CCDC102B: variants seen among roughly 807,000 people sequenced by gnomAD.
CCDC102B encodes coiled-coil domain containing 102B.
Under a neutral mutation model 57.4 loss-of-function variants are expected in CCDC102B, and 75 were observed. That is an observed-to-expected ratio of 1.31 (90% CI 1.08 to 1.58). The LOEUF is 1.58. CCDC102B is among the 40% of genes most tolerant of loss of function. The pLI is 0.00. For synonymous variants in CCDC102B, 206 were observed against 201.9 expected (o/e 1.02, Z -0.17); for missense variants, 636 against 582.6 (o/e 1.09, Z -0.94).
At chr18:68,973,383 A>G (rs1430466492) in intron 6 of CCDC102B, among the ~76,000 whole-genome samples, 2 of 152,150 alleles carry the variant, frequency 1.3e-5, no homozygotes, top group African/African-American at 4.8e-5. Flanking sequence ...TTGTTGTAAT[A>G]GTAGTGCCAT....
chr18:68,832,990 T>C (rs1301028321), intron 1 of CCDC102B, among the ~76,000 whole-genome samples: 4 of 152,152 alleles, frequency 2.6e-5, no homozygotes, highest in Non-Finnish European at 5.9e-5. Flanking sequence ...AAGGACAGTG[T>C]CAGGATGAGA....
chr18:68,988,566 CAAAAAA>C (rs4021722), intron 6 of CCDC102B, among the ~76,000 whole-genome samples: 3 of 136,334 alleles, frequency 2.2e-5, no homozygotes, highest in African/African-American at 9.1e-5. Flanking sequence ...CAAAAAAAAA[CAAAAAA>C]AAAGGAAAAA....
At chr18:69,050,735 AC>A (rs2145497131) in intron 7 of CCDC102B, among the ~76,000 whole-genome samples, 1 of 152,284 alleles carries the variant, frequency 6.6e-6, no homozygotes, top group South Asian at 2.1e-4. Context: ...TGTAATATGA[AC>A]CCTAATTGAT....
intron 6 of CCDC102B, among the ~76,000 whole-genome samples, chr18:68,976,037 C>T (rs2050428321): frequency 6.6e-6 from 1 of 151,912 alleles, no homozygotes; most frequent in Admixed American, 6.6e-5. Flanking sequence ...AGAGATATTG[C>T]TTACAGAAAA....
intron 2 of CCDC102B, among the ~76,000 whole-genome samples, chr18:68,761,065 G>GCCA (rs1309832484): frequency 1.3e-5 from 2 of 152,004 alleles, no homozygotes; most frequent in Non-Finnish European, 2.9e-5. Flanking sequence ...AATGGAGGGA[G>GCCA]TACACCCTTC....
Position 68,956,400 on chromosome 18 carries a change from ATATATTTT to A in CCDC102B, c.1264-54533_1264-54526del, listed in dbSNP as rs1568352105. On this transcript the variant is annotated intron_variant, in intron 6 of 7. Transcript: ENST00000360242. The stretch of plus-strand genomic sequence containing the variant: ...TGTATAATATATAATATATATATAA[ATATATTTT>A]ATATATATTATATATATTATACATT... Among the ~76,000 whole-genome samples the A allele has an allele frequency of 9.3e-4, 75 of 80,636 alleles. 15 individuals are homozygous for A. The highest frequency in any genetic ancestry group is 2.4e-3 in the African/African-American group (39 of 16,278). The allele number at this position is 80,636 out of a possible 152,430, so 52.9% of individuals were successfully genotyped here. A position where few individuals can be genotyped will look rare whatever the true frequency, so the allele number is the denominator to read the frequency against.
At chr18:68,811,896 G>A (rs1482693195) in intron 1 of CCDC102B, among the ~76,000 whole-genome samples, 1 of 152,172 alleles carries the variant, frequency 6.6e-6, no homozygotes, top group Non-Finnish European at 1.5e-5. Flanking sequence ...TTGGGCTGAG[G>A]TAGGATTTAA....
At chr18:68,801,414 A>G (rs1257945014) in intron 1 of CCDC102B, among the ~76,000 whole-genome samples, 1 of 152,146 alleles carries the variant, frequency 6.6e-6, no homozygotes, top group East Asian at 1.9e-4. Context: ...TAACATTATT[A>G]TATACTTAAA....
At chr18:68,956,225 A>C (rs1371390932) in intron 6 of CCDC102B, among the ~76,000 whole-genome samples, 1 of 148,388 alleles carries the variant, frequency 6.7e-6, no homozygotes. Flanking sequence ...ATGGATGTTA[A>C]GGTTGCTTCC....
chr18:69,023,739 C>A (rs1340812059), intron 7 of CCDC102B, among the ~76,000 whole-genome samples: 1 of 151,770 alleles, frequency 6.6e-6, no homozygotes, highest in Non-Finnish European at 1.5e-5. Context: ...AAAAACATAT[C>A]CCCTATTTTT....
At chr18:69,023,737 A>G (rs1379823092) in intron 7 of CCDC102B, among the ~76,000 whole-genome samples, 3 of 151,984 alleles carry the variant, frequency 2.0e-5, no homozygotes, top group African/African-American at 7.2e-5. Flanking sequence ...TTAAAAACAT[A>G]TCCCCTATTT....
intron 6 of CCDC102B, among the ~76,000 whole-genome samples, chr18:68,935,679 C>T (rs1014333868): frequency 2.0e-5 from 3 of 151,824 alleles, no homozygotes; most frequent in Non-Finnish European, 4.4e-5. Context: ...AGAAAAGCAA[C>T]CAGGCCAGAA....
At position 68,978,753 on chromosome 18, in the gene CCDC102B, C is replaced by G. The variant is rs944282433; in HGVS notation, c.1264-32181C>G. ...AACTGGCAGGAAAGTCATTATTCAT[C>G]AAGTGATTATTTTAAAAGATACAGA... On this transcript the variant is annotated intron_variant, in intron 6 of 7. Coordinates refer to ENST00000360242, the MANE Select transcript of CCDC102B (RefSeq NM_024781.3). 2.0e-5 allele frequency among the ~76,000 whole-genome samples: 3 copies of G among 152,100 alleles called. No individual in the cohort carries two copies. The South Asian group carries it at 6.2e-4, about 32-fold the overall frequency.
At chr18:68,772,538 T>C (rs2034674956) in intron 2 of CCDC102B, among the ~76,000 whole-genome samples, 1 of 152,144 alleles carries the variant, frequency 6.6e-6, no homozygotes, top group Non-Finnish European at 1.5e-5. Flanking sequence ...ACTTTACAGG[T>C]TTGGGCAAAA....
chr18:68,911,422 G>T (rs2040841567), intron 6 of CCDC102B, among the ~76,000 whole-genome samples: 1 of 152,176 alleles, frequency 6.6e-6, no homozygotes, highest in East Asian at 1.9e-4. Context: ...CAACAGACAC[G>T]GGGGTCTACA....
chr18:69,040,102 A>G (rs895681891), intron 7 of CCDC102B, among the ~76,000 whole-genome samples: 8 of 151,940 alleles, frequency 5.3e-5, no homozygotes, highest in African/African-American at 1.7e-4. Flanking sequence ...AGACCATAAA[A>G]TGAATTTATC....
intron 7 of CCDC102B, chr18:69,011,362 ATGTGTGTGTGTGTG>A (rs72492630): frequency 1.4e-5 from 5 of 349,148 alleles, no homozygotes; most frequent in African/African-American, 2.1e-5. Context: ...GCACGTGCGC[ATGTGTGTGTGTGTG>A]TGTGTGTGTG....
chr18:68,951,912 G>C (rs988955180), intron 6 of CCDC102B, among the ~76,000 whole-genome samples: 1 of 151,760 alleles, frequency 6.6e-6, no homozygotes, highest in Admixed American at 6.6e-5. Context: ...CTGGAATTCT[G>C]TTTCTTGTTC....
chr18:68,920,125 C>T (rs568562281), intron 6 of CCDC102B, among the ~76,000 whole-genome samples: 2 of 152,220 alleles, frequency 1.3e-5, no homozygotes, highest in African/African-American at 4.8e-5. Context: ...CCACCCTCCA[C>T]CCTTCGACAG....
Sources: gnomAD v4.1 joint callset for allele counts (sites outside exome capture counted in the v4.1 genomes callset) on GRCh38, gnomAD v4.1.1 for gene constraint, MANE v1.5 for transcripts, NCBI Gene and HGNC (gene_info 2026-07-23, HGNC 2026-07-21) for gene names.